Variants in NT5C2 observed in about 807,000 individuals in gnomAD.
NT5C2 encodes 5'-nucleotidase, cytosolic II.
In NT5C2, 58 loss-of-function variants were observed where a neutral mutation model predicts 76.1. The observed-to-expected ratio is 0.76, with a 90% CI of 0.62 to 0.95. NT5C2 has a LOEUF of 0.95. Ranked by LOEUF, NT5C2 falls within the 40% of genes least tolerant of loss-of-function variation. NT5C2 has a pLI of 0.00. For synonymous variants in NT5C2, 229 were observed against 237.4 expected (o/e 0.96, Z 0.32); for missense variants, 478 against 690.3 (o/e 0.69, Z 3.45).
In NT5C2 at chr10:103,089,504, A is replaced by AT. The variant is rs2066149426; in HGVS notation, c.*167_*168insA. ...CCATCTGCAGAGAGTACAGATACAC[A>AT]AAACCAAAACAAGTATCTATGATAA... On this transcript the variant is annotated 3_prime_UTR_variant, in exon 19 of 19. Coordinates refer to ENST00000404739, the MANE Select transcript of NT5C2 (RefSeq NM_001351169.2). 7.7e-7 allele frequency: 1 copy of AT among 1,302,600 alleles called. No homozygotes were observed. The highest frequency in any genetic ancestry group is 1.5e-5 in the African/African-American group (1 of 67,004). 80.7% of individuals were successfully genotyped at this position (1,302,600 alleles called of 1,614,324 possible).
At chr10:103,106,743 G>A (rs771858334) in intron 4 of NT5C2, 37 bp from the exon 5 acceptor site, 5 of 1,205,274 alleles carry the variant, frequency 4.1e-6, no homozygotes, top group Non-Finnish European at 4.9e-6. Context: ...TTAGCAGAAA[G>A]AACAGCCAAT....
At chr10:103,122,034 C>T (rs555867223) in intron 4 of NT5C2, among the ~76,000 whole-genome samples, 2 of 152,164 alleles carry the variant, frequency 1.3e-5, no homozygotes, top group East Asian at 1.9e-4. Context: ...ATTAGCCAGG[C>T]GTGGTGGCAG....
intron 4 of NT5C2, among the ~76,000 whole-genome samples, chr10:103,114,887 A>G (rs1343258120): frequency 6.6e-6 from 1 of 152,226 alleles, no homozygotes; most frequent in African/African-American, 2.4e-5. Context: ...CATCCTCATG[A>G]TCTGCTTAGG....
chr10:103,097,948 C>T, intron 10 of NT5C2: 1 of 479,838 alleles, frequency 2.1e-6, no homozygotes, highest in Non-Finnish European at 4.1e-6. Flanking sequence ...GATTCCTTCA[C>T]TCAAATTCTC....
chr10:103,163,976 C>T (rs888029426), intron 3 of NT5C2, among the ~76,000 whole-genome samples: 6 of 151,878 alleles, frequency 4.0e-5, no homozygotes, highest in East Asian at 1.9e-4. Context: ...TGGTGACTCA[C>T]GCCTAAAATC....
chr10:103,186,683 G>A (rs1406844025), intron 1 of NT5C2, among the ~76,000 whole-genome samples: 2 of 152,126 alleles, frequency 1.3e-5, no homozygotes, highest in Non-Finnish European at 2.9e-5. Flanking sequence ...GGGAGGCCGA[G>A]GCGGGCGGAT....
intron 3 of NT5C2, among the ~76,000 whole-genome samples, chr10:103,174,552 C>G (rs2089323488): frequency 6.6e-6 from 1 of 152,052 alleles, no homozygotes. Context: ...GCCTGGGCAA[C>G]AGAGCAAGAC....
At chr10:103,098,885 G>T in intron 10 of NT5C2, 46 bp downstream of exon 10, 1 of 1,292,548 alleles carries the variant, frequency 7.7e-7, no homozygotes, top group Non-Finnish European at 1.1e-6. Flanking sequence ...TCCCTAATAG[G>T]TAAAATGAGC....
At chr10:103,185,871 T>A (rs2091956697) in intron 1 of NT5C2, among the ~76,000 whole-genome samples, 2 of 152,122 alleles carry the variant, frequency 1.3e-5, no homozygotes, top group South Asian at 4.1e-4. Flanking sequence ...ATACTTAAGG[T>A]TTAGTCCACC....
Position 103,106,700 on chromosome 10 carries a change from T to A in NT5C2, c.182A>T (p.Lys61Met), listed in dbSNP as rs767057029. 1 of 1,584,492 alleles carries A rather than the reference T, an allele frequency of 6.3e-7. No individual in the cohort carries two copies. Among genetic ancestry groups the A allele is most frequent in the Non-Finnish European group, 8.7e-7 (1 of 1,153,290 alleles). Residue 61 changes from lysine (K) to methionine (M), a missense_variant, in exon 5 of 19, where the codon AAG becomes ATG. Physicochemically the swap from Lys to Met is moderately conservative, Grantham distance 95. Transcript: ENST00000404739. ...FDMDYTLAVY[K>M]SPEYESLGFE... ...ACCAAGGGACTCATACTCTGGGGAC[T>A]TGTACACTGCACAAAGAGGAGGTTT...
At chr10:103,152,470 T>C (rs999903963) in intron 3 of NT5C2, among the ~76,000 whole-genome samples, 1 of 152,170 alleles carries the variant, frequency 6.6e-6, no homozygotes, top group African/African-American at 2.4e-5. Context: ...TTAAAATAAG[T>C]TGTAAATGTG....
chr10:103,124,388 C>T (rs546906417), intron 4 of NT5C2, among the ~76,000 whole-genome samples: 3 of 152,280 alleles, frequency 2.0e-5, no homozygotes, highest in African/African-American at 7.2e-5. Flanking sequence ...CTTAAACACA[C>T]AGAAAAGAGC....
intron 3 of NT5C2, among the ~76,000 whole-genome samples, chr10:103,172,664 C>T (rs185480024): frequency 1.3e-5 from 2 of 152,100 alleles, no homozygotes; most frequent in African/African-American, 2.4e-5. Flanking sequence ...GGCGAAACTC[C>T]ATCTCTACTA....
Position 103,156,727 on chromosome 10 carries a change from C to A in NT5C2, c.102-17248G>T, listed in dbSNP as rs537388140. Among the ~76,000 whole-genome samples, 5 of 147,182 alleles carry A rather than the reference C, an allele frequency of 3.4e-5. No homozygotes were observed. The South Asian group carries it at 1.1e-3, about 32-fold the overall frequency. ...CTGAGATCACGCCATTGCACTCCAG[C>A]CTGGGCAACAAGAGCGAAACTCTAT... On this transcript the variant is annotated intron_variant, in intron 3 of 18. Coordinates refer to ENST00000404739, the MANE Select transcript of NT5C2 (RefSeq NM_001351169.2).
In NT5C2 at chr10:103,119,817, G is replaced by A. The variant is rs546393813; in HGVS notation, c.176-13111C>T. On this transcript the variant is annotated intron_variant, in intron 4 of 18. Transcript: ENST00000404739. The stretch of plus-strand genomic sequence containing the variant: ...GGTTTCATTAAACAAAAAAAAAGGC[G>A]TGGCCAGTTGCAGTCTCATGCCTGT... Among the ~76,000 whole-genome samples the A allele has an allele frequency of 3.9e-5, 6 of 152,152 alleles. No homozygotes were observed. In the East Asian group the frequency reaches 9.6e-4, roughly 24 times the overall value.
At chr10:103,175,614 C>T in intron 2 of NT5C2, 1 of 207,826 alleles carries the variant, frequency 4.8e-6, no homozygotes, top group African/African-American at 2.3e-5. Context: ...GCGGCAGGTG[C>T]TTCCCCTGCA....
At chr10:103,156,368 TA>T (rs2083379371) in intron 3 of NT5C2, among the ~76,000 whole-genome samples, 1 of 152,228 alleles carries the variant, frequency 6.6e-6, no homozygotes, top group African/African-American at 2.4e-5. Context: ...GCATGGTGAC[TA>T]TATTATTCCT....
intron 18 of NT5C2, chr10:103,090,157 C>T: frequency 2.3e-6 from 1 of 425,890 alleles, no homozygotes; most frequent in Non-Finnish European, 4.1e-6. Flanking sequence ...GGGGAGTTTA[C>T]TTTCTATTTT....
chr10:103,129,514 G>A lies in NT5C2; in HGVS notation c.175+9892C>T, dbSNP rs1470081549. On this transcript the variant is annotated intron_variant, in intron 4 of 18. Transcript: ENST00000404739. ...CCCCACCCGGCCAGCCGCCCCGTCC[G>A]GGAGGGAGGTGGGGGGGTCAGCCCC... Among the ~76,000 whole-genome samples the A allele has an allele frequency of 4.1e-5, 5 of 123,298 alleles. No individual in the cohort carries two copies. The East Asian group carries it at 1.1e-3, about 26-fold the overall frequency. 80.9% of individuals were successfully genotyped at this position (123,298 alleles called of 152,430 possible).
Sources: allele counts gnomAD v4.1 joint callset (sites outside exome capture counted in the v4.1 genomes callset), GRCh38; gene constraint gnomAD v4.1.1; transcripts MANE v1.5; gene names NCBI Gene and HGNC (gene_info 2026-07-23, HGNC 2026-07-21).